Variants in FIRRM observed in about 807,000 individuals in gnomAD.
FIRRM encodes FIGNL1-interacting regulator of recombination and mitosis.
At chr1:169,813,958 T>A in the FIRRM span, among the ~76,000 whole-genome samples, 1 of 152,202 alleles carries the variant, frequency 6.6e-6, no homozygotes, top group Non-Finnish European at 1.5e-5. Context: ...GCCTGTTGAC[T>A]CTGTTTTAGT....
chr1:169,802,877 A>T, the FIRRM span: 1 of 612,154 alleles, frequency 1.6e-6, no homozygotes, highest in South Asian at 2.2e-5. Context: ...AGAAACATGA[A>T]TTCTGAATAA....
chr1:169,807,685 TTTGA>T, the FIRRM span: 1 of 1,032,512 alleles, frequency 9.7e-7, no homozygotes, highest in African/African-American at 1.7e-5. Flanking sequence ...TATGATGCTT[TTTGA>T]TTGTTTTTTT....
the FIRRM span, among the ~76,000 whole-genome samples, chr1:169,790,310 T>C: frequency 6.6e-6 from 1 of 152,088 alleles, no homozygotes; most frequent in Non-Finnish European, 1.5e-5. Context: ...TCCCAGCCTC[T>C]CTAATAGCTC....
the FIRRM span, among the ~76,000 whole-genome samples, chr1:169,808,749 C>T: frequency 6.6e-6 from 1 of 151,818 alleles, no homozygotes; most frequent in Non-Finnish European, 1.5e-5. Flanking sequence ...GGATTATAGG[C>T]GCCTGCCACC....
the FIRRM span, among the ~76,000 whole-genome samples, chr1:169,791,766 C>T: frequency 6.6e-6 from 1 of 152,160 alleles, no homozygotes. Context: ...ATTATTTTAG[C>T]TACTTCCAAG....
chr1:169,847,666 G>C, the FIRRM span: 1 of 1,493,522 alleles, frequency 6.7e-7, no homozygotes, highest in African/African-American at 1.4e-5. Context: ...ATTTATAACT[G>C]TTCTTTGGTC....
the FIRRM span, chr1:169,823,624 G>T: frequency 2.0e-6 from 1 of 492,290 alleles, no homozygotes; most frequent in Non-Finnish European, 3.6e-6. Flanking sequence ...GGAGATAGAG[G>T]CTTTTGAAAG....
At chr1:169,849,420 G>C in the FIRRM span, 5 of 1,007,926 alleles carry the variant, frequency 5.0e-6, no homozygotes, top group Non-Finnish European at 7.6e-6. Context: ...GACAACACTG[G>C]GCTTATTGAA....
chr1:169,815,779 C>T, the FIRRM span, among the ~76,000 whole-genome samples: 1 of 152,122 alleles, frequency 6.6e-6, no homozygotes, highest in African/African-American at 2.4e-5. Flanking sequence ...TTACTCAGCC[C>T]CTTTTCAAGA....
the FIRRM span, among the ~76,000 whole-genome samples, chr1:169,821,360 G>T: frequency 6.6e-6 from 1 of 152,038 alleles, no homozygotes; most frequent in Non-Finnish European, 1.5e-5. Flanking sequence ...TGATCCCCAT[G>T]TAACAAAGAA....
the FIRRM span, among the ~76,000 whole-genome samples, chr1:169,845,471 C>A: frequency 6.6e-6 from 1 of 152,180 alleles, no homozygotes; most frequent in Non-Finnish European, 1.5e-5. Flanking sequence ...TTCTCTGTAG[C>A]ATGTGATGCT....
At chr1:169,850,482 T>C in the FIRRM span, 1 of 605,504 alleles carries the variant, frequency 1.7e-6, no homozygotes, top group Admixed American at 3.0e-5. Context: ...CGACTTTTAC[T>C]AAGCAATTGA....
At chr1:169,826,450 C>T in the FIRRM span, among the ~76,000 whole-genome samples, 1 of 150,200 alleles carries the variant, frequency 6.7e-6, no homozygotes, top group Non-Finnish European at 1.5e-5. Context: ...GCAACCTCTG[C>T]CTTCTGGTTT....
chr1:169,809,807 G>A, the FIRRM span, among the ~76,000 whole-genome samples: 2 of 152,218 alleles, frequency 1.3e-5, no homozygotes, highest in South Asian at 2.1e-4. Context: ...GATCAGCGAC[G>A]CCCTCTGCTG....
the FIRRM span, chr1:169,821,724 C>A: frequency 1.1e-5 from 17 of 1,611,326 alleles, no homozygotes; most frequent in East Asian, 1.8e-4. Context: ...CAAATTGTGT[C>A]GTTTTTTTGC....
At chr1:169,844,278 TTGTGG>T in the FIRRM span, among the ~76,000 whole-genome samples, 1 of 152,240 alleles carries the variant, frequency 6.6e-6, no homozygotes, top group Admixed American at 6.5e-5. Context: ...TAGGGAACCC[TTGTGG>T]TGCCTCAGCT....
the FIRRM span, chr1:169,842,575 AT>A: frequency 6.3e-7 from 1 of 1,598,760 alleles, no homozygotes. Context: ...TTATCAAAAA[AT>A]AGAAAATATC....
At chr1:169,813,573 A>G in the FIRRM span, among the ~76,000 whole-genome samples, 1 of 152,258 alleles carries the variant, frequency 6.6e-6, no homozygotes, top group African/African-American at 2.4e-5. Context: ...TTGTGTTATC[A>G]TTAGAGTCAA....
chr1:169,836,376 A>G, the FIRRM span, among the ~76,000 whole-genome samples: 2 of 152,126 alleles, frequency 1.3e-5, no homozygotes, highest in Non-Finnish European at 2.9e-5. Context: ...GGTGGAATGG[A>G]TTTGCCAACC....
Sources: allele counts gnomAD v4.1 joint callset (sites outside exome capture counted in the v4.1 genomes callset), GRCh38; gene constraint gnomAD v4.1.1; transcripts MANE v1.5; gene names NCBI Gene and HGNC (gene_info 2026-07-23, HGNC 2026-07-21).